FBXL5: variants seen among roughly 807,000 people sequenced by gnomAD.
The protein encoded by FBXL5 is F-box and leucine rich repeat protein 5.
FBXL5 carries 26 observed loss-of-function variants against 78.3 expected under a neutral mutation model. That is an observed-to-expected ratio of 0.33 (90% CI 0.24 to 0.46). FBXL5 has a LOEUF of 0.46. Ranked by LOEUF, FBXL5 falls within the 20% of genes least tolerant of loss-of-function variation. The pLI is 1.00. For synonymous variants in FBXL5, 295 were observed against 282.5 expected (o/e 1.04, Z -0.45); for missense variants, 710 against 829.2 (o/e 0.86, Z 1.77).
At chr4:15,650,661 CTTTTTTTTTTTTT>C (rs34334098) in intron 1 of FBXL5, among the ~76,000 whole-genome samples, 5 of 77,912 alleles carry the variant, frequency 6.4e-5, no homozygotes, top group South Asian at 5.5e-4. Context: ...AACTGACTTT[CTTTTTTTTTTTTT>C]TTTTTTTTTT....
At chr4:15,681,495 C>A (rs1718267909) in exon 1 of FBXL5, 2 of 163,418 alleles carry the variant, frequency 1.2e-5, no homozygotes, top group South Asian at 1.9e-4. Flanking sequence ...TAGCCCTGTC[C>A]GCGCTCGGCT....
intron 1 of FBXL5, among the ~76,000 whole-genome samples, chr4:15,680,701 G>A (rs1435566172): frequency 6.6e-6 from 1 of 151,628 alleles, no homozygotes; most frequent in African/African-American, 2.4e-5. Context: ...AAATCCAGTT[G>A]GAGAATCAAA....
chr4:15,610,078 C>G (rs773850825), intron 10 of FBXL5, among the ~76,000 whole-genome samples: 7 of 152,000 alleles, frequency 4.6e-5, no homozygotes, highest in Non-Finnish European at 1.0e-4. Context: ...TCTAATACCA[C>G]GTATTAAAAC....
intron 1 of FBXL5, among the ~76,000 whole-genome samples, chr4:15,670,424 CAG>C (rs1227420629): frequency 6.6e-6 from 1 of 152,214 alleles, no homozygotes; most frequent in Non-Finnish European, 1.5e-5. Context: ...TCTAATAATA[CAG>C]AGATTCCAGC....
At chr4:15,612,707 A>T (rs949308278) in intron 9 of FBXL5, among the ~76,000 whole-genome samples, 32 of 152,154 alleles carry the variant, frequency 2.1e-4, no homozygotes, top group African/African-American at 7.5e-4. Flanking sequence ...TGGAGTTGTA[A>T]TGTTCATTCT....
chr4:15,629,892 TCA>T (rs1193706180), intron 6 of FBXL5, among the ~76,000 whole-genome samples: 2 of 152,162 alleles, frequency 1.3e-5, no homozygotes, highest in Admixed American at 6.5e-5. Context: ...TCCTATAGTT[TCA>T]GTTTTACCAA....
intron 10 of FBXL5, among the ~76,000 whole-genome samples, chr4:15,606,515 C>T (rs749460549): frequency 6.6e-6 from 1 of 152,012 alleles, no homozygotes; most frequent in Non-Finnish European, 1.5e-5. Flanking sequence ...GGGAACATAG[C>T]TGAGAATTAG....
upstream of FBXL5, chr4:15,656,242 T>C (rs1716930734): frequency 2.2e-6 from 1 of 456,226 alleles, no homozygotes; most frequent in Non-Finnish European, 4.4e-6. Context: ...GGAAAATGTC[T>C]GCCTCTTTCC....
intron 9 of FBXL5, among the ~76,000 whole-genome samples, chr4:15,620,511 C>A (rs1388031154): frequency 1.3e-5 from 2 of 152,272 alleles, no homozygotes; most frequent in Non-Finnish European, 2.9e-5. Flanking sequence ...AAAACTCACA[C>A]CTCTTGATTT....
intron 10 of FBXL5, among the ~76,000 whole-genome samples, chr4:15,607,438 T>C (rs535185852): frequency 6.6e-6 from 1 of 152,292 alleles, no homozygotes; most frequent in East Asian, 1.9e-4. Context: ...TTAAAATTAT[T>C]TTCCCTTAAA....
intron 1 of FBXL5, among the ~76,000 whole-genome samples, chr4:15,672,626 G>T (rs1016383742): frequency 6.6e-6 from 1 of 152,174 alleles, no homozygotes; most frequent in Admixed American, 6.5e-5. Context: ...GAGCTTGTAG[G>T]ACTAGAAGTT....
chr4:15,643,069 T>C (rs1196280869), intron 2 of FBXL5, among the ~76,000 whole-genome samples: 1 of 152,232 alleles, frequency 6.6e-6, no homozygotes, highest in African/African-American at 2.4e-5. Flanking sequence ...CAATACATAA[T>C]ATGATACAAA....
intron 9 of FBXL5, among the ~76,000 whole-genome samples, chr4:15,615,389 G>C (rs1711708215): frequency 6.6e-6 from 1 of 151,556 alleles, no homozygotes; most frequent in South Asian, 2.1e-4. Context: ...GAGTCTGGTG[G>C]GGACGTGGAG....
chr4:15,648,700 T>G (rs114798969), intron 1 of FBXL5, among the ~76,000 whole-genome samples: 1 of 152,164 alleles, frequency 6.6e-6, no homozygotes, highest in Non-Finnish European at 1.5e-5. Flanking sequence ...AAGGTGGTTG[T>G]TGGGGCAGGG....
upstream of FBXL5, among the ~76,000 whole-genome samples, chr4:15,655,822 C>A (rs1461273715): frequency 6.6e-6 from 1 of 152,184 alleles, no homozygotes; most frequent in Non-Finnish European, 1.5e-5. Context: ...CTGCGATTGG[C>A]CCGTGCCAGA....
intron 1 of FBXL5, among the ~76,000 whole-genome samples, chr4:15,671,461 C>T (rs1413550281): frequency 1.3e-5 from 2 of 150,886 alleles, no homozygotes; most frequent in Admixed American, 6.6e-5. Flanking sequence ...GTTTAAGAGA[C>T]AGGGTCTCTC....
At position 15,653,173 on chromosome 4, in the gene FBXL5, G is replaced by A. The variant is rs536928314; in HGVS notation, c.84+2031C>T. ...TGGACTTTTAATCTTCGTGATAAAC[G>A]TATACAACAATCTCATTAACTATAT... On this transcript the variant is annotated intron_variant, in intron 1 of 10. Transcript: ENST00000341285. Among the ~76,000 whole-genome samples the A allele has an allele frequency of 3.9e-5, 6 of 152,006 alleles. No homozygotes were observed. In the South Asian group the frequency reaches 1.0e-3, roughly 26 times the overall value.
intron 10 of FBXL5, among the ~76,000 whole-genome samples, chr4:15,611,398 G>C (rs2148521198): frequency 6.6e-6 from 1 of 151,962 alleles, no homozygotes; most frequent in South Asian, 2.1e-4. Context: ...AGGTGAACTG[G>C]GCACTCAAAG....
intron 1 of FBXL5, among the ~76,000 whole-genome samples, chr4:15,646,660 AACATTAGGTAT>A (rs1437738707): frequency 2.6e-5 from 4 of 151,574 alleles, no homozygotes; most frequent in African/African-American, 4.8e-5. Flanking sequence ...CCCGTCATCT[AACATTAGGTAT>A]ATCTCCCAAT....
Sources: allele counts gnomAD v4.1 joint callset (sites outside exome capture counted in the v4.1 genomes callset), GRCh38; gene constraint gnomAD v4.1.1; transcripts MANE v1.5; gene names NCBI Gene and HGNC (gene_info 2026-07-23, HGNC 2026-07-21).